MIA3: variants seen among roughly 807,000 people sequenced by gnomAD.
MIA3 encodes the protein MIA SH3 domain ER export factor 3.
A neutral mutation model predicts 192.4 loss-of-function variants in MIA3; 90 were observed. The ratio of observed to expected loss-of-function variants is 0.47; its 90% CI spans 0.39 to 0.56. MIA3 has a LOEUF of 0.56. Among genes scored for constraint, MIA3 ranks in the 20% least tolerant of loss-of-function variants. The pLI, the probability that MIA3 is intolerant of heterozygous loss-of-function variation, is 0.00. For synonymous variants in MIA3, 740 were observed against 792.8 expected, an observed-to-expected ratio of 0.93 and a Z score of 1.12; for missense variants, 2,123 against 2,269.4, an observed-to-expected ratio of 0.94 and a Z score of 1.31.
intron 2 of MIA3, among the ~76,000 whole-genome samples, chr1:222,623,946 A>G (rs1397347915): frequency 6.6e-6 from 1 of 152,248 alleles, no homozygotes; most frequent in Non-Finnish European, 1.5e-5. Flanking sequence ...AGTTACCTGT[A>G]ATATCGTTTT....
intron 18 of MIA3, 150 bp from the exon 19 acceptor site, chr1:222,658,572 C>T (rs888440674): frequency 3.8e-6 from 2 of 523,754 alleles, no homozygotes; most frequent in African/African-American, 3.9e-5. Context: ...GGATTTTTAT[C>T]CTAAAGGACA....
rs1441765287 is a variant in MIA3, at chr1:222,666,198, G to A, written c.*579G>A. ...CTGTTATGAGGCTTGTGCCATTTGGGGAACATGTAAACTCAGGCTCCCAGA... is the reference window on the plus strand; with the variant it reads ...CTGTTATGAGGCTTGTGCCATTTGGAGAACATGTAAACTCAGGCTCCCAGA... On this transcript the variant is annotated 3_prime_UTR_variant, in exon 28 of 28. Coordinates refer to ENST00000344922, the MANE Select transcript of MIA3 (RefSeq NM_198551.4). 1 of 152,204 alleles carries A rather than the reference G, an allele frequency of 6.6e-6. No homozygotes were observed. The highest frequency in any genetic ancestry group is 1.9e-4 in the East Asian group (1 of 5,196). The allele number at this position is 152,204 out of a possible 1,614,324, so 9.4% of individuals were successfully genotyped here. A position where few individuals can be genotyped will look rare whatever the true frequency, so the allele number is the denominator to read the frequency against.
At chr1:222,630,489 G>A (rs3748629) in intron 4 of MIA3, 100 bp downstream of exon 4, 100,124 of 1,247,790 alleles carry the variant, frequency 0.08, 4,542 homozygotes, top group African/African-American at 0.13. Context: ...TTTCCAATGT[G>A]CCTAAAGGAG....
intron 8 of MIA3, among the ~76,000 whole-genome samples, chr1:222,649,086 G>A (rs981511736): frequency 1.3e-4 from 20 of 152,256 alleles, no homozygotes; most frequent in African/African-American, 4.6e-4. Context: ...CATTAATTTG[G>A]GGCAGATTGA....
chr1:222,657,625 T>C (rs1663803040), intron 18 of MIA3, among the ~76,000 whole-genome samples: 1 of 152,240 alleles, frequency 6.6e-6, no homozygotes, highest in South Asian at 2.1e-4. Context: ...CTTGAATCCT[T>C]CTTCAAGACT....
chr1:222,645,438 G>A (rs1184526881), intron 6 of MIA3, 116 bp from the exon 7 acceptor site: 2 of 842,176 alleles, frequency 2.4e-6, no homozygotes, highest in African/African-American at 3.5e-5. Flanking sequence ...GATTTTTGAG[G>A]GGATAGGTAT....
intron 25 of MIA3, 53 bp from the exon 26 acceptor site, chr1:222,662,200 C>T (rs1380476857): frequency 1.9e-6 from 3 of 1,592,356 alleles, no homozygotes; most frequent in Non-Finnish European, 2.6e-6. Flanking sequence ...TAATCCTCCT[C>T]ACAGAGTACA....
In MIA3 at chr1:222,652,057, G is replaced by C; in HGVS notation, c.3981+9G>C. 1 of 1,509,668 alleles carries C rather than the reference G, an allele frequency of 6.6e-7. No individual in the cohort carries two copies. Among genetic ancestry groups the C allele is most frequent in the East Asian group, 2.3e-5 (1 of 44,336 alleles). The allele number at this position is 1,509,668 out of a possible 1,614,324, so 93.5% of individuals were successfully genotyped here. A position where few individuals can be genotyped will look rare whatever the true frequency, so the allele number is the denominator to read the frequency against. Reference sequence around the variant, plus strand: ...CCTCAGAATTTTCAGAGGTAAAGCTGACTGTAATTCCTGCAGGATATTAAT... The same window carrying C: ...CCTCAGAATTTTCAGAGGTAAAGCTCACTGTAATTCCTGCAGGATATTAAT... On this transcript the variant is annotated intron_variant, in intron 12 of 27. Transcript: ENST00000344922.
At position 222,627,692 on chromosome 1, in the gene MIA3, G is replaced by A. The variant is rs1459722928; in HGVS notation, c.472G>A (p.Val158Ile). The change falls in exon 4 of 28, where the codon GTA (valine) becomes ATA (isoleucine). Residue 158 changes from valine to isoleucine, a missense_variant. This residue lies in a region of MIA3 where 1,357 missense variants were observed against 1,396.1 expected (regional missense o/e 0.97). Transcript: ENST00000344922. ...TGCAGCTACAGATTCTGAGAAAGCTGTAGAAAAAACTTTACAGGATATGGA... is the reference window on the plus strand; with the variant it reads ...TGCAGCTACAGATTCTGAGAAAGCTATAGAAAAAACTTTACAGGATATGGA... Reference protein sequence around the residue: ...NSAATDSEKAVEKTLQDMEKN... With the variant: ...NSAATDSEKAIEKTLQDMEKN... 10 of 1,613,588 alleles carry A rather than the reference G, an allele frequency of 6.2e-6. No homozygotes were observed. The highest frequency in any genetic ancestry group is 6.8e-6 in the Non-Finnish European group (8 of 1,179,950).
At chr1:222,646,708 T>C (rs1286645277) in intron 7 of MIA3, among the ~76,000 whole-genome samples, 1 of 152,182 alleles carries the variant, frequency 6.6e-6, no homozygotes, top group Non-Finnish European at 1.5e-5. Flanking sequence ...CACTCCAGCC[T>C]AGGCGACAAA....
rs769011746 is a variant in MIA3 at position 222,658,822 on chromosome 1, A to G, written c.4708A>G (p.Lys1570Glu). The G allele has an allele frequency of 3.1e-6, 5 of 1,604,070 alleles. No individual in the cohort carries two copies. In the African/African-American group the frequency reaches 4.0e-5, roughly 13 times the overall value. Residue 1570 changes from lysine to glutamate, a missense_variant and splice_region_variant, in exon 19 of 28, where the codon AAG becomes GAG. Physicochemically the swap from Lys to Glu is moderately conservative, Grantham distance 56. Around this residue, in one of 3 missense-constraint regions of MIA3, gnomAD observed 762 missense variants for 856.4 expected, o/e 0.89. Coordinates refer to ENST00000344922, the MANE Select transcript of MIA3 (RefSeq NM_198551.4). ...GGCTGCAGAGGAAGTAAAAACTTAC[A>G]AGTAAGTTCACCTCCTAAAGAGGGT... ...VSAAEEVKTY[K>E]RRIEEMEDEL...
chr1:222,625,978 A>G (rs1662097661), intron 3 of MIA3, among the ~76,000 whole-genome samples: 1 of 152,138 alleles, frequency 6.6e-6, no homozygotes, highest in Non-Finnish European at 1.5e-5. Context: ...ACCTCAAGTG[A>G]TCCATCTGCC....
chr1:222,644,297 G>T, intron 6 of MIA3: 1 of 1,418,734 alleles, frequency 7.0e-7, no homozygotes, highest in Non-Finnish European at 9.2e-7. Flanking sequence ...AGGGGCAGTG[G>T]CTGATGACGT....
At chr1:222,641,824 A>C in intron 6 of MIA3, 1 of 532,252 alleles carries the variant, frequency 1.9e-6, no homozygotes, top group South Asian at 1.4e-5. Context: ...GAGCATTTCT[A>C]GCTGCGGCAG....
Position 222,632,145 on chromosome 1 carries a change from G to T in MIA3, c.3170-20G>T. 1.9e-6 allele frequency: 3 copies of T among 1,612,056 alleles called. No individual in the cohort carries two copies. Among genetic ancestry groups the T allele is most frequent in the Non-Finnish European group, 2.5e-6 (3 of 1,178,724 alleles). On this transcript the variant is annotated intron_variant, in intron 4 of 27. Transcript: ENST00000344922. ...AGTGTCATCAAGCTGTGCTAGCCCAGTGTATTCTTCTCACCCTAGAGATGC... is the reference window on the plus strand; with the variant it reads ...AGTGTCATCAAGCTGTGCTAGCCCATTGTATTCTTCTCACCCTAGAGATGC...
rs1664162750 is a variant in MIA3 at position 222,664,151 on chromosome 1, A to G, written c.5413+3A>G. On this transcript the variant is annotated splice_donor_region_variant and intron_variant, in intron 27 of 27. Coordinates refer to ENST00000344922, the MANE Select transcript of MIA3 (RefSeq NM_198551.4). ...TCGGCCACTTCCTCCACCCTTTGGT[A>G]AGATGATCTGAACAGTAGTAATTGA... 25 of 1,614,104 alleles carry G rather than the reference A, an allele frequency of 1.5e-5. No homozygotes were observed. Among genetic ancestry groups the G allele is most frequent in the Non-Finnish European group, 2.1e-5 (25 of 1,179,946 alleles).
At chr1:222,632,064 C>T (rs981235274) in intron 4 of MIA3, 101 bp from the exon 5 acceptor site, 5 of 976,420 alleles carry the variant, frequency 5.1e-6, no homozygotes. Context: ...GATGCCCATG[C>T]ATGGAGGTCA....
intron 4 of MIA3, among the ~76,000 whole-genome samples, chr1:222,631,656 C>T (rs528968529): frequency 1.3e-5 from 2 of 152,218 alleles, no homozygotes; most frequent in South Asian, 2.1e-4. Flanking sequence ...TTGGACTGTC[C>T]CCTAAGCCTC....
At position 222,659,435 on chromosome 1, in the gene MIA3, G is replaced by A; in HGVS notation, c.4710-18G>A. On this transcript the variant is annotated intron_variant, in intron 19 of 27. Transcript: ENST00000344922. The stretch of plus-strand genomic sequence containing the variant: ...ATTCAGTTGTGCTTTAAATGATAAA[G>A]CCAAGTGTAATTCTTAGGCGGAGAA... 6.2e-7 allele frequency: 1 copy of A among 1,612,236 alleles called. No homozygotes were observed. The highest frequency in any genetic ancestry group is 8.5e-7 in the Non-Finnish European group (1 of 1,178,570).
Sources: allele counts gnomAD v4.1 joint callset (sites outside exome capture counted in the v4.1 genomes callset), GRCh38; gene constraint gnomAD v4.1.1; regional missense constraint gnomAD v4.1.1; transcripts MANE v1.5; gene names NCBI Gene and HGNC (gene_info 2026-07-23, HGNC 2026-07-21).